The following NPAS2 variants were observed in gnomAD, a reference collection of about 807,000 sequenced individuals.
NPAS2 encodes neuronal PAS domain protein 2.
Under a neutral mutation model 107.5 loss-of-function variants are expected in NPAS2, and 23 were observed. The observed-to-expected ratio is 0.21, with a 90% CI of 0.15 to 0.30. The LOEUF (loss-of-function observed/expected upper bound fraction) is 0.30, where lower values mean the gene tolerates loss of function less well. Ranked by LOEUF, NPAS2 falls within the 10% of genes least tolerant of loss-of-function variation. The pLI is 1.00. For missense variants in NPAS2, 756 were observed against 1,043.3 expected (o/e 0.72, Z 3.79); for synonymous variants, 403 against 417.5 (o/e 0.97, Z 0.42).
chr2:100,940,952 G>A (rs1674538762), intron 5 of NPAS2, among the ~76,000 whole-genome samples: 1 of 152,208 alleles, frequency 6.6e-6, no homozygotes, highest in Non-Finnish European at 1.5e-5. Context: ...GAGGCTGTGG[G>A]CCCCAGCAGC....
intron 1 of NPAS2, among the ~76,000 whole-genome samples, chr2:100,902,367 G>A (rs1333690408): frequency 1.3e-5 from 2 of 152,178 alleles, no homozygotes; most frequent in Non-Finnish European, 2.9e-5. Context: ...CTGCGTTTCC[G>A]TGCAATGGGA....
rs372880906 is a variant in NPAS2 at position 100,941,692 on chromosome 2, C to T, written c.363+3850C>T. 1.4e-4 allele frequency among the ~76,000 whole-genome samples: 21 copies of T among 152,210 alleles called. No homozygotes were observed. In the South Asian group the frequency reaches 2.7e-3, roughly 20 times the overall value. On this transcript the variant is annotated intron_variant, in intron 5 of 20. Coordinates refer to ENST00000335681, the MANE Select transcript of NPAS2 (RefSeq NM_002518.4). ...GCATACAATGGAGGCCAAGGGCTCA[C>T]GGGAGCCTCTGGAATGAAAACCTTG...
At chr2:100,986,827 T>A (rs1199578446) in intron 16 of NPAS2, 1 of 152,256 alleles carries the variant, frequency 6.6e-6, no homozygotes, top group Admixed American at 6.5e-5. Context: ...CCAAAACTAT[T>A]CATTTACACA....
intron 2 of NPAS2, among the ~76,000 whole-genome samples, chr2:100,909,804 C>A (rs547426207): frequency 6.6e-6 from 1 of 151,894 alleles, no homozygotes; most frequent in South Asian, 2.1e-4. Context: ...ATAGGACATG[C>A]GATTCGTGTA....
intron 16 of NPAS2, chr2:100,984,556 A>G (rs560411986): frequency 6.6e-6 from 1 of 152,292 alleles, no homozygotes; most frequent in Non-Finnish European, 1.5e-5. Context: ...CTGTGAGTGT[A>G]GGATTGGTTT....
chr2:100,876,926 C>T (rs1680005508), intron 1 of NPAS2, among the ~76,000 whole-genome samples: 1 of 152,134 alleles, frequency 6.6e-6, no homozygotes, highest in Non-Finnish European at 1.5e-5. Flanking sequence ...AGGTGACTCC[C>T]ATGGACCAGA....
intron 1 of NPAS2, among the ~76,000 whole-genome samples, chr2:100,835,144 G>A (rs908818521): frequency 6.6e-6 from 1 of 152,176 alleles, no homozygotes. Context: ...TGCTTTGACA[G>A]CAGTCACTTG....
At position 100,963,390 on chromosome 2, in the gene NPAS2, GTTTGT is replaced by G. The variant is rs552393797; in HGVS notation, c.599-640_599-636del. On this transcript the variant is annotated intron_variant, in intron 7 of 20. Coordinates refer to ENST00000335681, the MANE Select transcript of NPAS2 (RefSeq NM_002518.4). ...AATGAGGCTGTCTTCTCTTTTTTTT[GTTTGT>G]TTTGTTTTGTTTTGTTTTGTTTTGT... is the stretch of plus-strand genomic sequence containing the variant. 3.5e-4 allele frequency among the ~76,000 whole-genome samples: 52 copies of G among 149,116 alleles called. No homozygotes were observed. The South Asian group carries it at 6.0e-3, about 17-fold the overall frequency.
intron 1 of NPAS2, among the ~76,000 whole-genome samples, chr2:100,892,996 G>T (rs982703721): frequency 1.3e-5 from 2 of 152,134 alleles, no homozygotes; most frequent in African/African-American, 4.8e-5. Context: ...GGGATTACAG[G>T]CATGAGCCAC....
rs1199509422 is a variant in NPAS2, at chr2:100,993,688, C to T, written c.2292+161C>T. 4 of 590,168 alleles carry T rather than the reference C, an allele frequency of 6.8e-6. No individual in the cohort carries two copies. In the East Asian group the frequency reaches 1.3e-4, roughly 19 times the overall value. 36.6% of individuals were successfully genotyped at this position (590,168 alleles called of 1,614,324 possible). A position where few individuals can be genotyped will look rare whatever the true frequency, so the allele number is the denominator to read the frequency against. Reference sequence around the variant, plus strand: ...GATTGTTATTTGATTGTTTTTCATGCTTAAAGTTTATGAAGTCTATGTCTA... The same window carrying T: ...GATTGTTATTTGATTGTTTTTCATGTTTAAAGTTTATGAAGTCTATGTCTA... On this transcript the variant is annotated intron_variant, in intron 20 of 20. Transcript: ENST00000335681.
chr2:100,944,965 A>G lies in NPAS2; in HGVS notation c.364-3270A>G, dbSNP rs371739522. Among the ~76,000 whole-genome samples, 30 of 152,332 alleles carry G rather than the reference A, an allele frequency of 2.0e-4. No individual in the cohort carries two copies. The East Asian group carries it at 5.0e-3, about 25-fold the overall frequency. On this transcript the variant is annotated intron_variant, in intron 5 of 20. Transcript: ENST00000335681. ...CCCTCCAAGAAGAGGCCATGGAGTC[A>G]CTTAGTTTTCATTTTCAAGTATTTG...
intron 12 of NPAS2, 40 bp from the exon 13 acceptor site, chr2:100,974,763 T>A: frequency 1.3e-6 from 2 of 1,586,198 alleles, no homozygotes; most frequent in Middle Eastern, 3.4e-4. Context: ...TTCTTTCCTC[T>A]TGATGCTGAC....
At chr2:100,932,847 A>G (rs1288568005) in intron 3 of NPAS2, 63 bp from the exon 4 acceptor site, 1 of 1,135,118 alleles carries the variant, frequency 8.8e-7, no homozygotes, top group Admixed American at 1.7e-5. Context: ...CATGTGCTTC[A>G]TTTGTTAATT....
intron 16 of NPAS2, chr2:100,984,803 GT>G (rs1677682703): frequency 6.6e-6 from 1 of 152,018 alleles, no homozygotes; most frequent in Non-Finnish European, 1.5e-5. Flanking sequence ...CAGTGGACTT[GT>G]GATGCTTTAC....
intron 5 of NPAS2, among the ~76,000 whole-genome samples, chr2:100,941,279 A>G (rs1674560188): frequency 6.6e-6 from 1 of 152,202 alleles, no homozygotes; most frequent in Admixed American, 6.5e-5. Context: ...TTAAGATGAG[A>G]ACTGGCAGGC....
chr2:100,916,165 G>T (rs988061797), intron 2 of NPAS2, among the ~76,000 whole-genome samples: 1 of 152,048 alleles, frequency 6.6e-6, no homozygotes, highest in Admixed American at 6.6e-5. Context: ...AAGAAAGCAG[G>T]AAAGGGGAAA....
intron 14 of NPAS2, chr2:100,977,282 G>A (rs1383377472): frequency 4.3e-6 from 1 of 233,408 alleles, no homozygotes; most frequent in East Asian, 9.1e-5. Flanking sequence ...CATTAGCGCT[G>A]AGCAGAAAAG....
intron 1 of NPAS2, among the ~76,000 whole-genome samples, chr2:100,861,049 T>G (rs1006033772): frequency 3.3e-5 from 5 of 151,874 alleles, no homozygotes; most frequent in African/African-American, 1.2e-4. Flanking sequence ...TTTTTTTTTT[T>G]GAAGACGAGG....
intron 5 of NPAS2, among the ~76,000 whole-genome samples, chr2:100,946,625 A>T (rs1405520449): frequency 1.3e-5 from 2 of 152,218 alleles, no homozygotes; most frequent in Non-Finnish European, 2.9e-5. Flanking sequence ...TTCCTGGAGC[A>T]GTCGGAAGCC....
Sources: allele counts gnomAD v4.1 joint callset (sites outside exome capture counted in the v4.1 genomes callset), GRCh38; gene constraint gnomAD v4.1.1; transcripts MANE v1.5; gene names NCBI Gene and HGNC (gene_info 2026-07-23, HGNC 2026-07-21).